Variants in SRGAP3 observed in about 807,000 individuals in gnomAD.
SRGAP3 encodes the protein SLIT-ROBO Rho GTPase activating protein 3.
In SRGAP3, 39 loss-of-function variants were observed where a neutral mutation model predicts 121.1. The observed-to-expected ratio is 0.32, with a 90% CI of 0.25 to 0.42. The LOEUF (loss-of-function observed/expected upper bound fraction) is 0.42, where lower values mean the gene tolerates loss of function less well. Among genes scored for constraint, SRGAP3 ranks in the 10% least tolerant of loss-of-function variants. SRGAP3 has a pLI of 1.00. For missense variants in SRGAP3, 1,213 were observed against 1,470.6 expected (o/e 0.82, Z 2.86); for synonymous variants, 601 against 570.0 (o/e 1.05, Z -0.77).
chr3:9,081,344 G>C (rs1403278455), intron 3 of SRGAP3: 1 of 452,416 alleles, frequency 2.2e-6, no homozygotes, highest in African/African-American at 2.0e-5. Context: ...TTGGCAGAAA[G>C]GCCTCTGGGG....
chr3:9,027,987 G>C, intron 12 of SRGAP3: 1 of 1,275,078 alleles, frequency 7.8e-7, no homozygotes, highest in Admixed American at 1.7e-5. Flanking sequence ...CCAGGGACAG[G>C]ACAAGAATAT....
rs778613060 is a variant in SRGAP3 at position 9,124,889 on chromosome 3, G to T, written c.96C>A (p.Phe32Leu). ...ACTCTGATTGCTGCTCCAGACATTT[G>T]AACTGCTCCACCAGCTGCGTGCGGA... The part of the protein sequence containing the change: ...KEIRTQLVEQ[F>L]KCLEQQSESR... Residue 32 changes from phenylalanine (F) to leucine (L), a missense_variant, in exon 2 of 22, where the codon TTC becomes TTA. Transcript: ENST00000383836. The T allele has an allele frequency of 1.3e-5, 21 of 1,614,060 alleles. No individual in the cohort carries two copies. Among genetic ancestry groups the T allele is most frequent in the Non-Finnish European group, 1.7e-5 (20 of 1,180,048 alleles).
intron 14 of SRGAP3, among the ~76,000 whole-genome samples, chr3:9,017,000 C>T (rs1943670933): frequency 6.6e-6 from 1 of 152,138 alleles, no homozygotes; most frequent in Admixed American, 6.5e-5. Context: ...TTTAATGTGA[C>T]CTCCATTGAG....
intron 12 of SRGAP3, among the ~76,000 whole-genome samples, chr3:9,031,317 G>A (rs1012850166): frequency 2.6e-5 from 4 of 152,168 alleles, no homozygotes; most frequent in African/African-American, 9.7e-5. Context: ...AGAGGAGGGA[G>A]GATGGAGACA....
At chr3:9,259,477 T>A (rs1055676027) in intron 3 of SRGAP3, among the ~76,000 whole-genome samples, 12 of 152,196 alleles carry the variant, frequency 7.9e-5, no homozygotes, top group African/African-American at 1.9e-4. Flanking sequence ...CTAATTTTTT[T>A]ATTTTTTTGT....
chr3:9,305,921 A>G (rs1362654011), intron 3 of SRGAP3, among the ~76,000 whole-genome samples: 1 of 152,208 alleles, frequency 6.6e-6, no homozygotes, highest in East Asian at 1.9e-4. Flanking sequence ...TTGGGTATAT[A>G]CCCAGCAATG....
intron 11 of SRGAP3, chr3:9,036,595 C>T (rs1485643204): frequency 7.2e-6 from 1 of 138,762 alleles, no homozygotes; most frequent in African/African-American, 2.8e-5. Flanking sequence ...AAACAAAACA[C>T]ACAAACCCTC....
At position 9,001,451 on chromosome 3, in the gene SRGAP3, A is replaced by G. The variant is rs1037953652; in HGVS notation, c.2228-6928T>C. 3.3e-5 allele frequency among the ~76,000 whole-genome samples: 5 copies of G among 152,256 alleles called. No homozygotes were observed. The East Asian group carries it at 5.8e-4, about 18-fold the overall frequency. ...ATCATTAAAGAAGTTTAAATGCTAT[A>G]TTAGAAAATATCCACTAAATGCTAT... On this transcript the variant is annotated intron_variant, in intron 18 of 21. Transcript: ENST00000383836.
In SRGAP3 at chr3:9,305,185, A is replaced by G. The variant is rs891878880; in HGVS notation, n.442+20825T>C. On this transcript the variant is annotated intron_variant and non_coding_transcript_variant, in intron 3 of 3. Coordinates refer to the SRGAP3 transcript ENST00000490889. ...GACCCTGCTGCAGGTCTGCCACCAA[A>G]GAAGAGAGAAGGGGAGGAAGGATTG... Among the ~76,000 whole-genome samples the G allele has an allele frequency of 4.3e-4, 65 of 152,126 alleles. 1 individual carries two copies. The highest frequency in any genetic ancestry group is 3.2e-3 in the Admixed American group (49 of 15,278).
chr3:9,326,229 T>C (rs1025897809), intron 2 of SRGAP3: 2 of 151,860 alleles, frequency 1.3e-5, no homozygotes, highest in African/African-American at 2.4e-5. Flanking sequence ...CTGGTGAAAA[T>C]ACACTATAGC....
chr3:9,256,812 GGA>G, intron 3 of SRGAP3: 1 of 398,322 alleles, frequency 2.5e-6, no homozygotes, highest in Non-Finnish European at 4.4e-6. Context: ...CAACTGCCTG[GGA>G]GAGTCTAAGT....
chr3:9,350,415 G>A (rs1413367345), intron 1 of SRGAP3, among the ~76,000 whole-genome samples: 1 of 152,148 alleles, frequency 6.6e-6, no homozygotes, highest in African/African-American at 2.4e-5. Flanking sequence ...ATTTAGGGAG[G>A]GGAATGCAAA....
intron 5 of SRGAP3, among the ~76,000 whole-genome samples, chr3:9,062,360 C>G (rs529853543): frequency 6.6e-6 from 1 of 152,230 alleles, no homozygotes; most frequent in Non-Finnish European, 1.5e-5. Context: ...CACTCTACCT[C>G]TCTCCTTCTC....
intron 1 of SRGAP3, among the ~76,000 whole-genome samples, chr3:9,132,361 AAT>A: frequency 6.6e-6 from 1 of 152,098 alleles, no homozygotes; most frequent in East Asian, 1.9e-4. Context: ...TATCATACAG[AAT>A]AGTGTTGCCA....
intron 1 of SRGAP3, among the ~76,000 whole-genome samples, chr3:9,223,490 T>G (rs1952885716): frequency 6.6e-6 from 1 of 152,212 alleles, no homozygotes; most frequent in Non-Finnish European, 1.5e-5. Flanking sequence ...CTACACTTAT[T>G]TGAACACAGA....
chr3:9,024,108 G>T (rs1574929049), intron 14 of SRGAP3, among the ~76,000 whole-genome samples: 1 of 152,156 alleles, frequency 6.6e-6, no homozygotes, highest in Non-Finnish European at 1.5e-5. Context: ...AGAGAGGTCT[G>T]CTCAGAGTAC....
At chr3:9,216,045 T>G (rs1461464856) in intron 1 of SRGAP3, among the ~76,000 whole-genome samples, 4 of 152,044 alleles carry the variant, frequency 2.6e-5, no homozygotes, top group Admixed American at 2.6e-4. Flanking sequence ...TACACACATG[T>G]ATACATATAT....
rs565811491 is a variant in SRGAP3 at position 9,356,557 on chromosome 3, T to G, written n.214+6283A>C. On this transcript the variant is annotated intron_variant and non_coding_transcript_variant, in intron 1 of 3. Coordinates refer to the SRGAP3 transcript ENST00000490889. Reference sequence around the variant, plus strand: ...CCGGCTAATTTTTTTGTATTTTTAGTAGAGATGGGGTTTCACCGTGTTAGC... The same window carrying G: ...CCGGCTAATTTTTTTGTATTTTTAGGAGAGATGGGGTTTCACCGTGTTAGC... 4.0e-5 allele frequency among the ~76,000 whole-genome samples: 6 copies of G among 151,780 alleles called. No homozygotes were observed. In the South Asian group the frequency reaches 1.3e-3, roughly 32 times the overall value.
chr3:9,263,104 CTCCTG>C (rs1954287319), intron 3 of SRGAP3, among the ~76,000 whole-genome samples: 1 of 152,182 alleles, frequency 6.6e-6, no homozygotes, highest in Non-Finnish European at 1.5e-5. Flanking sequence ...GAACAACCTG[CTCCTG>C]AATGATTATT....
Sources: allele counts gnomAD v4.1 joint callset (sites outside exome capture counted in the v4.1 genomes callset), GRCh38; gene constraint gnomAD v4.1.1; transcripts MANE v1.5; gene names NCBI Gene and HGNC (gene_info 2026-07-23, HGNC 2026-07-21).